The following CWC22 variants were observed in gnomAD, a reference collection of about 807,000 sequenced individuals.
The protein encoded by CWC22 is pre-mRNA-splicing factor CWC22 homolog.
In CWC22, 53 loss-of-function variants were observed where a neutral mutation model predicts 117.2. That is an observed-to-expected ratio of 0.45 (90% CI 0.36 to 0.57). CWC22 has a LOEUF of 0.57. Ranked by LOEUF, CWC22 falls within the 20% of genes least tolerant of loss-of-function variation. CWC22 has a pLI of 0.00. For synonymous variants in CWC22, 360 were observed against 355.6 expected (o/e 1.01, Z -0.14); for missense variants, 980 against 1,068.8 (o/e 0.92, Z 1.16).
intron 5 of CWC22, 110 bp from the exon 6 acceptor site, chr2:179,978,428 A>C: frequency 5.1e-6 from 6 of 1,176,736 alleles, no homozygotes; most frequent in Non-Finnish European, 1.1e-6. Flanking sequence ...ATTTTCATGA[A>C]ACGACCCCCA....
At chr2:179,946,007 C>T (rs961312239) in intron 19 of CWC22, among the ~76,000 whole-genome samples, 6 of 152,146 alleles carry the variant, frequency 3.9e-5, no homozygotes, top group Non-Finnish European at 8.8e-5. Flanking sequence ...CTCAGCCTCC[C>T]GAATAGATGA....
chr2:179,945,409 T>C lies in CWC22; in HGVS notation c.2447A>G (p.His816Arg), dbSNP rs747011855. 30 of 1,613,306 alleles carry C rather than the reference T, an allele frequency of 1.9e-5. No homozygotes were observed. Among genetic ancestry groups the C allele is most frequent in the Admixed American group, 1.0e-4 (6 of 59,992 alleles). The change falls in exon 20 of 20, where the codon CAT becomes CGT. Residue 816 changes from histidine to arginine, a missense_variant. Coordinates refer to ENST00000410053, the MANE Select transcript of CWC22 (RefSeq NM_020943.3). ...QEMHIDLENKHGDPKKKRGER... is the reference protein window; with the variant it reads ...QEMHIDLENKRGDPKKKRGER... ...TCCTCTCTTCTTTTTGGGATCACCA[T>C]GCTTATTTTCCAAATCTATATGCAT... is the stretch of plus-strand genomic sequence containing the variant.
At chr2:179,951,015 T>C in intron 17 of CWC22, 89 bp from the exon 18 acceptor site, 1 of 787,256 alleles carries the variant, frequency 1.3e-6, no homozygotes, top group Non-Finnish European at 2.0e-6. Context: ...TTTTCATATA[T>C]TAAATTACTA....
At chr2:179,988,712 T>A in intron 2 of CWC22, 68 bp from the exon 3 acceptor site, 1 of 799,790 alleles carries the variant, frequency 1.3e-6, no homozygotes, top group Non-Finnish European at 2.0e-6. Flanking sequence ...CTGAAATACA[T>A]GGCTTAGAAA....
At chr2:179,996,050 C>T (rs953573682) in intron 1 of CWC22, among the ~76,000 whole-genome samples, 1 of 152,228 alleles carries the variant, frequency 6.6e-6, no homozygotes, top group Non-Finnish European at 1.5e-5. Flanking sequence ...AAGATTTGAA[C>T]TGCTGCTCAA....
intron 1 of CWC22, among the ~76,000 whole-genome samples, chr2:180,003,786 T>A (rs1283521656): frequency 2.0e-5 from 3 of 152,178 alleles, no homozygotes; most frequent in Non-Finnish European, 2.9e-5. Flanking sequence ...TCCTCCCCAC[T>A]AGCTAACCCA....
At chr2:180,003,103 A>G (rs1368210419) in intron 1 of CWC22, among the ~76,000 whole-genome samples, 1 of 152,220 alleles carries the variant, frequency 6.6e-6, no homozygotes, top group Non-Finnish European at 1.5e-5. Context: ...TTGTTCATCA[A>G]GGAATACAAC....
In CWC22 at chr2:179,994,133, T is replaced by A. The variant is rs1014514063; in HGVS notation, c.-113-679A>T. ...TAGCAATTTCTGCAAGATGCTAAAT[T>A]GATACTTATGTTCACAAAGAACTTG... On this transcript the variant is annotated intron_variant, in intron 1 of 19. Coordinates refer to ENST00000410053, the MANE Select transcript of CWC22 (RefSeq NM_020943.3). Among the ~76,000 whole-genome samples, 4 of 152,212 alleles carry A rather than the reference T, an allele frequency of 2.6e-5. No homozygotes were observed. In the East Asian group the frequency reaches 7.7e-4, roughly 29 times the overall value.
intron 19 of CWC22, among the ~76,000 whole-genome samples, chr2:179,946,467 G>GAA (rs1559282503): frequency 3.4e-4 from 42 of 124,692 alleles, no homozygotes; most frequent in African/African-American, 1.3e-3. Flanking sequence ...AAAAAAAAGG[G>GAA]GGGGGGGGAA....
intron 12 of CWC22, among the ~76,000 whole-genome samples, 153 bp downstream of exon 12, chr2:179,965,725 G>A (rs1192172025): frequency 6.6e-6 from 1 of 152,160 alleles, no homozygotes; most frequent in East Asian, 1.9e-4. Context: ...TGGTTTGTAG[G>A]CTGTTTAACA....
At chr2:179,945,772 A>G in intron 19 of CWC22, 57 bp from the exon 20 acceptor site, 3 of 1,098,374 alleles carry the variant, frequency 2.7e-6, no homozygotes, top group South Asian at 1.6e-5. Flanking sequence ...TTTCATAATT[A>G]TAACAATCAC....
At chr2:179,998,678 G>C (rs868118420) in intron 1 of CWC22, among the ~76,000 whole-genome samples, 43 of 152,206 alleles carry the variant, frequency 2.8e-4, no homozygotes, top group African/African-American at 1.0e-3. Flanking sequence ...AGATAGCAAA[G>C]ACTGTGATTT....
intron 4 of CWC22, among the ~76,000 whole-genome samples, chr2:179,984,547 T>C (rs562470133): frequency 1.3e-5 from 2 of 151,998 alleles, no homozygotes; most frequent in African/African-American, 4.8e-5. Flanking sequence ...AAAATTCCTG[T>C]GGGGGGTATA....
intron 19 of CWC22, among the ~76,000 whole-genome samples, chr2:179,949,129 A>G (rs553474390): frequency 6.6e-6 from 1 of 152,328 alleles, no homozygotes; most frequent in South Asian, 2.1e-4. Context: ...GAGAAAGCAG[A>G]AACATTGAGA....
chr2:179,956,001 CT>C (rs1306476352), intron 14 of CWC22, among the ~76,000 whole-genome samples: 2 of 151,982 alleles, frequency 1.3e-5, no homozygotes, highest in Non-Finnish European at 2.9e-5. Context: ...CTGTAATATA[CT>C]TGCTTTGTGC....
At chr2:179,959,980 T>C (rs1442659392) in intron 13 of CWC22, among the ~76,000 whole-genome samples, 2 of 152,058 alleles carry the variant, frequency 1.3e-5, no homozygotes, top group Non-Finnish European at 2.9e-5. Flanking sequence ...CTTCAAGCCA[T>C]AACTAATCAG....
intron 13 of CWC22, among the ~76,000 whole-genome samples, chr2:179,963,024 T>C (rs1186442090): frequency 6.6e-6 from 1 of 152,168 alleles, no homozygotes; most frequent in Non-Finnish European, 1.5e-5. Flanking sequence ...GAGTTACTGC[T>C]ACTAGGACTG....
chr2:179,973,547 T>C, intron 7 of CWC22, 87 bp downstream of exon 7: 1 of 865,604 alleles, frequency 1.2e-6, no homozygotes, highest in Non-Finnish European at 1.8e-6. Flanking sequence ...TGTAGCTGTG[T>C]CAAAATCAAC....
At chr2:179,975,698 A>C (rs1687137207) in intron 6 of CWC22, among the ~76,000 whole-genome samples, 1 of 152,176 alleles carries the variant, frequency 6.6e-6, no homozygotes, top group South Asian at 2.1e-4. Context: ...AAAAAAAGTT[A>C]GGAATAAATC....
Sources: gnomAD v4.1 joint callset for allele counts (sites outside exome capture counted in the v4.1 genomes callset) on GRCh38, gnomAD v4.1.1 for gene constraint, MANE v1.5 for transcripts, NCBI Gene and HGNC (gene_info 2026-07-23, HGNC 2026-07-21) for gene names.